The following SLC35F2 variants were observed in gnomAD, a reference collection of about 807,000 sequenced individuals.
SLC35F2 encodes solute carrier family 35 member F2, also known as queuine/queuosine transporter SLC35F2.
In SLC35F2, 25 loss-of-function variants were observed where a neutral mutation model predicts 38.1. The ratio of observed to expected loss-of-function variants is 0.66; its 90% confidence interval spans 0.48 to 0.92. SLC35F2 has a LOEUF of 0.92. Ranked by LOEUF, SLC35F2 falls within the 40% of genes least tolerant of loss-of-function variation. The probability of loss-of-function intolerance (pLI) is 0.00; values close to 1 mark genes in which losing one functional copy is unlikely to be tolerated. For synonymous variants in SLC35F2, 173 were observed against 181.7 expected, an observed-to-expected ratio of 0.95 and a Z score of 0.38; for missense variants, 409 against 452.9, an observed-to-expected ratio of 0.90 and a Z score of 0.88.
intron 1 of SLC35F2, among the ~76,000 whole-genome samples, chr11:107,833,699 C>T (rs185131481): frequency 5.3e-5 from 8 of 152,150 alleles, no homozygotes; most frequent in Non-Finnish European, 7.4e-5. Context: ...TTAGAGAAAA[C>T]GCCACACTCT....
chr11:107,809,329 CAAAAAAAA>C (rs61511493), intron 3 of SLC35F2, among the ~76,000 whole-genome samples: 30 of 96,128 alleles, frequency 3.1e-4, no homozygotes, highest in African/African-American at 7.4e-4. Flanking sequence ...ACTCAAAATA[CAAAAAAAA>C]AAAAAAAAAA....
intron 1 of SLC35F2, among the ~76,000 whole-genome samples, chr11:107,856,307 A>G (rs1011212818): frequency 6.6e-6 from 1 of 152,182 alleles, no homozygotes; most frequent in East Asian, 1.9e-4. Flanking sequence ...GAGCACTGAA[A>G]GGAGCCAGGC....
intron 3 of SLC35F2, among the ~76,000 whole-genome samples, chr11:107,807,576 TA>T (rs747900050): frequency 0.058 from 6,220 of 106,960 alleles, 175 homozygotes; most frequent in East Asian, 0.19. Context: ...ATTTTATTAT[TA>T]TTATTTTTTT....
chr11:107,791,256 A>G lies in SLC35F2; in HGVS notation c.*1359T>C, dbSNP rs541388866. 6.6e-6 allele frequency: 1 copy of G among 152,574 alleles called. No homozygotes were observed. The highest frequency in any genetic ancestry group is 2.4e-5 in the African/African-American group (1 of 41,586). The allele number at this position is 152,574 out of a possible 1,614,324, so 9.5% of individuals were successfully genotyped here. A position where few individuals can be genotyped will look rare whatever the true frequency, so the allele number is the denominator to read the frequency against. ...GCATACTCTTTGGTGAGAAATGATTAATTTTATATTTTCATTTTGATGAGA... is the reference window on the plus strand; with the variant it reads ...GCATACTCTTTGGTGAGAAATGATTGATTTTATATTTTCATTTTGATGAGA... On this transcript the variant is annotated 3_prime_UTR_variant, in exon 8 of 8. Coordinates refer to ENST00000525815, the MANE Select transcript of SLC35F2 (RefSeq NM_017515.5).
At chr11:107,809,635 A>C (rs1288250956) in intron 3 of SLC35F2, 5 of 949,986 alleles carry the variant, frequency 5.3e-6, no homozygotes, top group Non-Finnish European at 6.3e-6. Flanking sequence ...CCTTCTCAGA[A>C]AAAAAAAAAG....
intron 1 of SLC35F2, among the ~76,000 whole-genome samples, chr11:107,846,159 A>G (rs1340531872): frequency 6.6e-6 from 1 of 152,054 alleles, no homozygotes; most frequent in Admixed American, 6.6e-5. Flanking sequence ...GTGTTAATAC[A>G]GTAGAAATCA....
At chr11:107,844,206 C>A (rs181622623) in intron 1 of SLC35F2, among the ~76,000 whole-genome samples, 2 of 152,058 alleles carry the variant, frequency 1.3e-5, no homozygotes, top group Non-Finnish European at 2.9e-5. Flanking sequence ...GAGGGGGAAG[C>A]CTGGTTGCAT....
intron 2 of SLC35F2, among the ~76,000 whole-genome samples, chr11:107,815,144 TG>T (rs1415791368): frequency 6.6e-6 from 1 of 152,102 alleles, no homozygotes; most frequent in Non-Finnish European, 1.5e-5. Context: ...TTTATTTAGT[TG>T]GAAGTAAATA....
intron 2 of SLC35F2, among the ~76,000 whole-genome samples, chr11:107,814,763 G>A (rs1859540208): frequency 6.6e-6 from 1 of 152,128 alleles, no homozygotes; most frequent in South Asian, 2.1e-4. Flanking sequence ...AGGAATTCGA[G>A]ACCAGCCTGG....
chr11:107,816,920 C>T (rs1347175960), intron 1 of SLC35F2, among the ~76,000 whole-genome samples: 1 of 151,824 alleles, frequency 6.6e-6, no homozygotes, highest in Non-Finnish European at 1.5e-5. Context: ...ATCACTAAGG[C>T]GTATAACTAA....
At chr11:107,843,860 AAAAAAAAAATATATATAT>A (rs1379109547) in intron 1 of SLC35F2, among the ~76,000 whole-genome samples, 13 of 39,682 alleles carry the variant, frequency 3.3e-4, no homozygotes, top group African/African-American at 1.0e-3. Context: ...AAAAAAAAAA[AAAAAAAAAATATATATAT>A]ATATATATAT....
intron 1 of SLC35F2, among the ~76,000 whole-genome samples, chr11:107,851,463 C>CA (rs1177344945): frequency 3.3e-5 from 3 of 89,770 alleles, no homozygotes; most frequent in African/African-American, 1.4e-4. Context: ...AACTCCGTCT[C>CA]AAAAAAAATA....
chr11:107,845,180 A>G (rs144307691), intron 1 of SLC35F2, among the ~76,000 whole-genome samples: 302 of 152,202 alleles, frequency 2.0e-3, no homozygotes, highest in African/African-American at 6.3e-3. Flanking sequence ...ATATCCCCAC[A>G]ATTCTCTGGG....
At chr11:107,793,046 AGCTGACACCACAG>A (rs1859158421) in intron 7 of SLC35F2, 1 of 401,096 alleles carries the variant, frequency 2.5e-6, no homozygotes, top group Admixed American at 6.4e-5. Context: ...CCTCCAGAGT[AGCTGACACCACAG>A]GCACTCACCA....
At chr11:107,843,846 TAAAAAAAAAAAAA>T (rs780744909) in intron 1 of SLC35F2, among the ~76,000 whole-genome samples, 12 of 45,190 alleles carry the variant, frequency 2.7e-4, no homozygotes, top group South Asian at 1.2e-3. Context: ...CTCTGTATCT[TAAAAAAAAAAAAA>T]AAAAAAAAAA....
chr11:107,798,443 G>A (rs570814851), intron 7 of SLC35F2, among the ~76,000 whole-genome samples: 36 of 152,302 alleles, frequency 2.4e-4, no homozygotes, highest in African/African-American at 8.4e-4. Flanking sequence ...AAACTATCAT[G>A]TCTCTCTTAA....
At chr11:107,843,846 TAAAAAAAAAAAAAA>T (rs780744909) in intron 1 of SLC35F2, among the ~76,000 whole-genome samples, 3 of 45,196 alleles carry the variant, frequency 6.6e-5, no homozygotes, top group African/African-American at 2.3e-4. Context: ...CTCTGTATCT[TAAAAAAAAAAAAAA>T]AAAAAAAAAT....
At chr11:107,809,888 G>C in intron 3 of SLC35F2, 2 of 985,400 alleles carry the variant, frequency 2.0e-6, no homozygotes, top group Non-Finnish European at 2.4e-6. Context: ...GAACAGAGCA[G>C]CACAGGGGAG....
chr11:107,792,917 CTTTCTT>C, intron 7 of SLC35F2, 117 bp from the exon 8 acceptor site: 1 of 1,317,034 alleles, frequency 7.6e-7, no homozygotes, highest in South Asian at 2.0e-5. Context: ...TTCTTTCTTT[CTTTCTT>C]TCTTTCTTTT....
Sources: allele counts gnomAD v4.1 joint callset (sites outside exome capture counted in the v4.1 genomes callset), GRCh38; gene constraint gnomAD v4.1.1; transcripts MANE v1.5; gene names NCBI Gene and HGNC (gene_info 2026-07-23, HGNC 2026-07-21).